The following SPTLC2 variants were observed in gnomAD, a reference collection of about 807,000 sequenced individuals.
SPTLC2 encodes the protein serine palmitoyltransferase long chain base subunit 2.
SPTLC2 carries 21 observed loss-of-function variants against 62.0 expected under a neutral mutation model. That is an observed-to-expected ratio of 0.34 (90% CI 0.24 to 0.49). The LOEUF is 0.49. Among genes scored for constraint, SPTLC2 ranks in the 20% least tolerant of loss-of-function variants. The pLI is 0.99. For synonymous variants in SPTLC2, 261 were observed against 261.8 expected (o/e 1.00, Z 0.03); for missense variants, 511 against 713.0 (o/e 0.72, Z 3.23).
At chr14:77,596,810 G>A (rs2079850045) in intron 2 of SPTLC2, among the ~76,000 whole-genome samples, 1 of 152,130 alleles carries the variant, frequency 6.6e-6, no homozygotes, top group South Asian at 2.1e-4. Context: ...AACACAACCT[G>A]GGATTCAGCA....
chr14:77,576,655 A>C, intron 4 of SPTLC2, 112 bp downstream of exon 4: 1 of 1,449,822 alleles, frequency 6.9e-7, no homozygotes. Flanking sequence ...ACCTTATCTA[A>C]ATGACATGAC....
At chr14:77,513,016 CTTTTTTTTT>C (rs1190713237) in intron 11 of SPTLC2, among the ~76,000 whole-genome samples, 33 of 62,828 alleles carry the variant, frequency 5.3e-4, no homozygotes, top group South Asian at 4.6e-3. Context: ...AACCCAGCAA[CTTTTTTTTT>C]TTTTTTTTTT....
chr14:77,568,229 T>C (rs774348713), intron 5 of SPTLC2, among the ~76,000 whole-genome samples: 1 of 152,208 alleles, frequency 6.6e-6, no homozygotes, highest in Non-Finnish European at 1.5e-5. Context: ...TATTTAGAAA[T>C]ATATTGTTTA....
At chr14:77,596,334 T>C (rs1418100482) in intron 2 of SPTLC2, among the ~76,000 whole-genome samples, 2 of 148,182 alleles carry the variant, frequency 1.3e-5, no homozygotes, top group African/African-American at 5.0e-5. Flanking sequence ...GCAAGACTTG[T>C]CTCAAAAAAA....
intron 5 of SPTLC2, among the ~76,000 whole-genome samples, chr14:77,564,961 C>T (rs994009990): frequency 2.6e-5 from 4 of 151,528 alleles, no homozygotes; most frequent in Admixed American, 1.3e-4. Flanking sequence ...CAAGGTAAGC[C>T]GGGTGCGGTG....
intron 9 of SPTLC2, among the ~76,000 whole-genome samples, chr14:77,540,314 A>G (rs924916052): frequency 2.0e-5 from 3 of 152,182 alleles, no homozygotes; most frequent in Non-Finnish European, 4.4e-5. Context: ...ACATACAAAA[A>G]AAATGTAATG....
intron 9 of SPTLC2, among the ~76,000 whole-genome samples, chr14:77,550,405 T>C (rs932789644): frequency 5.9e-5 from 9 of 152,116 alleles, no homozygotes; most frequent in African/African-American, 2.2e-4. Context: ...AGAAACCCGG[T>C]CTCTACTAAA....
At chr14:77,561,512 G>A (rs2079614814) in intron 6 of SPTLC2, among the ~76,000 whole-genome samples, 1 of 151,936 alleles carries the variant, frequency 6.6e-6, no homozygotes, top group South Asian at 2.1e-4. Flanking sequence ...TCGGGAGGCT[G>A]AGGCAGGAGA....
chr14:77,552,320 A>G (rs2079559927), intron 8 of SPTLC2, 98 bp from the exon 9 acceptor site: 7 of 1,403,118 alleles, frequency 5.0e-6, no homozygotes, highest in Admixed American at 1.9e-5. Context: ...CCTCACTTCA[A>G]TGGCACTGGA....
In SPTLC2 at chr14:77,509,688, G is replaced by GAT. The variant is rs2139987377; in HGVS notation, c.*2594_*2595dup. The GAT allele has an allele frequency of 2.6e-6, 1 of 391,482 alleles. No individual in the cohort carries two copies. The highest frequency in any genetic ancestry group is 1.4e-4 in the South Asian group (1 of 6,942). 24.3% of individuals were successfully genotyped at this position (391,482 alleles called of 1,614,324 possible). On this transcript the variant is annotated 3_prime_UTR_variant, in exon 12 of 12. Transcript: ENST00000216484. The stretch of plus-strand genomic sequence containing the variant: ...TCCTCCAAGTACTTGGATAAATGAT[G>GAT]ATACCTAGGATATGACTGGACCCTA...
rs991769449 is a variant in SPTLC2 at position 77,521,433 on chromosome 14, C to T, written c.1439+13G>A. On this transcript the variant is annotated intron_variant, in intron 10 of 11. Transcript: ENST00000216484. ...TAAGGACAGACTGGTCTGTGATCTG[C>T]AACAAAACGTACCCAATTTTGGCAG... 1.2e-6 allele frequency: 2 copies of T among 1,614,104 alleles called. No homozygotes were observed. The highest frequency in any genetic ancestry group is 1.7e-6 in the Non-Finnish European group (2 of 1,180,016).
intron 9 of SPTLC2, among the ~76,000 whole-genome samples, chr14:77,541,102 C>G (rs1566774141): frequency 6.6e-6 from 1 of 152,120 alleles, no homozygotes; most frequent in South Asian, 2.1e-4. Flanking sequence ...GATCTCAGCT[C>G]ACTGCAATCT....
At chr14:77,545,068 A>C (rs2079520666) in intron 9 of SPTLC2, among the ~76,000 whole-genome samples, 1 of 152,046 alleles carries the variant, frequency 6.6e-6, no homozygotes, top group Non-Finnish European at 1.5e-5. Flanking sequence ...CCTTGAAGGA[A>C]GTCTGTCTTA....
intron 5 of SPTLC2, among the ~76,000 whole-genome samples, chr14:77,569,827 A>AATATAC (rs1566783312): frequency 3.4e-4 from 13 of 38,348 alleles, no homozygotes; most frequent in African/African-American, 5.9e-4. Flanking sequence ...TGTTATATAT[A>AATATAC]TATATAATAT....
At chr14:77,555,955 C>T (rs2079581166) in intron 7 of SPTLC2, among the ~76,000 whole-genome samples, 1 of 152,094 alleles carries the variant, frequency 6.6e-6, no homozygotes, top group Non-Finnish European at 1.5e-5. Context: ...ACAACTGTAT[C>T]TGTGGCTTAA....
At chr14:77,530,310 CT>C (rs200797063) in intron 9 of SPTLC2, among the ~76,000 whole-genome samples, 3,997 of 84,354 alleles carry the variant, frequency 0.047, 108 homozygotes, top group African/African-American at 0.12. Context: ...ACCACAGGAT[CT>C]TTTTTAAAAA....
Position 77,510,810 on chromosome 14 carries a change from T to C in SPTLC2, c.*1474A>G, listed in dbSNP as rs1464742098. ...TTTCATACACTGTTTTTCCATTCTGTTCCCAATCCTTCTCCTGTAATACTT... is the reference window on the plus strand; with the variant it reads ...TTTCATACACTGTTTTTCCATTCTGCTCCCAATCCTTCTCCTGTAATACTT... On this transcript the variant is annotated 3_prime_UTR_variant, in exon 12 of 12. Coordinates refer to ENST00000216484, the MANE Select transcript of SPTLC2 (RefSeq NM_004863.4). 6.6e-6 allele frequency: 1 copy of C among 152,592 alleles called. No homozygotes were observed. Among genetic ancestry groups the C allele is most frequent in the Non-Finnish European group, 1.5e-5 (1 of 68,040 alleles). 9.5% of individuals were successfully genotyped at this position (152,592 alleles called of 1,614,324 possible). A position where few individuals can be genotyped will look rare whatever the true frequency, so the allele number is the denominator to read the frequency against.
At chr14:77,563,109 T>C (rs2079623957) in intron 5 of SPTLC2, among the ~76,000 whole-genome samples, 1 of 152,126 alleles carries the variant, frequency 6.6e-6, no homozygotes, top group Non-Finnish European at 1.5e-5. Context: ...CTGCAGTTCT[T>C]ACTCTTCCAT....
chr14:77,588,555 T>C (rs12589986), intron 2 of SPTLC2, among the ~76,000 whole-genome samples: 26,427 of 150,254 alleles, frequency 0.18, 2,910 homozygotes, highest in East Asian at 0.55. Context: ...AATTAGCCAG[T>C]TGTGGTAGCG....
Sources: gnomAD v4.1 joint callset for allele counts (sites outside exome capture counted in the v4.1 genomes callset) on GRCh38, gnomAD v4.1.1 for gene constraint, MANE v1.5 for transcripts, NCBI Gene and HGNC (gene_info 2026-07-23, HGNC 2026-07-21) for gene names.